The following MYO16 variants were observed in gnomAD, a reference collection of about 807,000 sequenced individuals.
MYO16 encodes the protein unconventional myosin-XVI.
Under a neutral mutation model 205.3 loss-of-function variants are expected in MYO16, and 94 were observed. The ratio of observed to expected loss-of-function variants is 0.46; its 90% CI spans 0.39 to 0.54. The LOEUF (loss-of-function observed/expected upper bound fraction) is 0.54, where lower values mean the gene tolerates loss of function less well. Ranked by LOEUF, MYO16 falls within the 20% of genes least tolerant of loss-of-function variation. The pLI is 0.00. For synonymous variants in MYO16, 988 were observed against 954.0 expected (o/e 1.04, Z -0.66); for missense variants, 2,315 against 2,387.5 (o/e 0.97, Z 0.63).
At chr13:108,653,623 A>G (rs981568627) in intron 1 of MYO16, among the ~76,000 whole-genome samples, 5 of 151,394 alleles carry the variant, frequency 3.3e-5, no homozygotes, top group African/African-American at 1.2e-4. Context: ...TTTTATTATT[A>G]TTTTTCAGTT....
At chr13:109,059,872 C>A (rs1267175849) in intron 27 of MYO16, among the ~76,000 whole-genome samples, 1 of 152,130 alleles carries the variant, frequency 6.6e-6, no homozygotes, top group Non-Finnish European at 1.5e-5. Flanking sequence ...AGGTTTTCTT[C>A]TAGGGTTTTT....
chr13:108,766,306 G>A (rs770572599), intron 4 of MYO16, among the ~76,000 whole-genome samples: 1 of 152,174 alleles, frequency 6.6e-6, no homozygotes, highest in African/African-American at 2.4e-5. Context: ...GATAGAGATA[G>A]CCTGTCCTGA....
the MYO16 span, among the ~76,000 whole-genome samples, chr13:108,496,999 T>C: frequency 6.6e-6 from 1 of 152,212 alleles, no homozygotes; most frequent in Non-Finnish European, 1.5e-5. Flanking sequence ...GGAGTCTGTG[T>C]TGGGATGAAG....
chr13:108,734,701 A>C (rs938062592), intron 4 of MYO16, among the ~76,000 whole-genome samples: 3 of 152,238 alleles, frequency 2.0e-5, no homozygotes, highest in Non-Finnish European at 4.4e-5. Context: ...GCCGCCACCC[A>C]CTGCTTGGCA....
chr13:108,627,325 G>A (rs566269178), upstream of MYO16, among the ~76,000 whole-genome samples: 4 of 152,250 alleles, frequency 2.6e-5, no homozygotes, highest in Admixed American at 2.0e-4. Flanking sequence ...TACATAGAAA[G>A]CACATTCTAA....
chr13:108,843,651 A>AT (rs1877364168), intron 9 of MYO16, among the ~76,000 whole-genome samples: 1 of 152,182 alleles, frequency 6.6e-6, no homozygotes, highest in South Asian at 2.1e-4. Flanking sequence ...TAGGAGGCAC[A>AT]TTTTTAAATC....
intron 16 of MYO16, among the ~76,000 whole-genome samples, chr13:108,935,146 A>G (rs1882423999): frequency 6.6e-6 from 1 of 152,034 alleles, no homozygotes; most frequent in Admixed American, 6.6e-5. Flanking sequence ...GTTTTTTCCA[A>G]TTCTGTAAAA....
chr13:108,590,226 A>G, the MYO16 span, among the ~76,000 whole-genome samples: 9 of 152,354 alleles, frequency 5.9e-5, no homozygotes, highest in Admixed American at 2.0e-4. Context: ...GAAGTACTAC[A>G]CATATTCACA....
At chr13:108,921,901 G>A (rs1881760943) in intron 16 of MYO16, among the ~76,000 whole-genome samples, 1 of 152,234 alleles carries the variant, frequency 6.6e-6, no homozygotes, top group African/African-American at 2.4e-5. Context: ...GACGGAGTGA[G>A]TGCAGTGGAA....
At chr13:109,042,706 A>G (rs1481348524) in intron 23 of MYO16, among the ~76,000 whole-genome samples, 1 of 152,234 alleles carries the variant, frequency 6.6e-6, no homozygotes, top group African/African-American at 2.4e-5. Context: ...AATAGGGTCA[A>G]AGGCTTTTAA....
At chr13:108,982,400 C>A (rs1047212921) in intron 20 of MYO16, among the ~76,000 whole-genome samples, 1 of 151,718 alleles carries the variant, frequency 6.6e-6, no homozygotes, top group Middle Eastern at 3.2e-3. Context: ...TTTTAAAAAA[C>A]CCAAATAAAA....
chr13:109,013,108 TCCCCCACCCC>T (rs1885667555), intron 22 of MYO16, among the ~76,000 whole-genome samples: 4 of 32,606 alleles, frequency 1.2e-4, no homozygotes, highest in Non-Finnish European at 2.4e-4. Context: ...ATGCTACCCC[TCCCCCACCCC>T]CCCCCACCCC....
chr13:109,175,165 TCCAGGGA>T (rs1879111807), intron 33 of MYO16, among the ~76,000 whole-genome samples: 1 of 151,900 alleles, frequency 6.6e-6, no homozygotes, highest in Non-Finnish European at 1.5e-5. Flanking sequence ...CACACAGAAC[TCCAGGGA>T]CCAGGTCTAC....
At chr13:109,008,103 T>C (rs1171459769) in intron 21 of MYO16, among the ~76,000 whole-genome samples, 1 of 152,240 alleles carries the variant, frequency 6.6e-6, no homozygotes, top group African/African-American at 2.4e-5. Context: ...TTAGATGATA[T>C]GGTATCAGAT....
At chr13:108,700,508 C>T (rs977024155) in intron 2 of MYO16, among the ~76,000 whole-genome samples, 18 of 152,136 alleles carry the variant, frequency 1.2e-4, no homozygotes, top group African/African-American at 3.6e-4. Context: ...TTGGCAGCCA[C>T]GAAAACCAGC....
chr13:108,593,861 C>A (rs906045510), upstream of MYO16, among the ~76,000 whole-genome samples: 1 of 152,234 alleles, frequency 6.6e-6, no homozygotes, highest in African/African-American at 2.4e-5. Flanking sequence ...TAATACCTCA[C>A]CTGCTGTCCT....
At chr13:108,975,330 A>G (rs1170858595) in intron 20 of MYO16, among the ~76,000 whole-genome samples, 3 of 152,014 alleles carry the variant, frequency 2.0e-5, no homozygotes, top group Non-Finnish European at 4.4e-5. Flanking sequence ...GCTTGTGATT[A>G]TTTTATTCTC....
intron 34 of MYO16, among the ~76,000 whole-genome samples, chr13:109,198,898 C>T (rs905970952): frequency 3.3e-5 from 5 of 152,168 alleles, no homozygotes; most frequent in Non-Finnish European, 5.9e-5. Context: ...CCAGGCATTC[C>T]GGCTCCAGAG....
In MYO16 at chr13:109,140,824, G is replaced by A. The variant is rs1275371042; in HGVS notation, c.4612G>A (p.Val1538Met). The A allele has an allele frequency of 4.4e-6, 7 of 1,593,682 alleles. No homozygotes were observed. The East Asian group carries it at 1.2e-4, about 27-fold the overall frequency. The change falls in exon 32 of 35, where the codon GTG (valine) becomes ATG (methionine). Residue 1538 changes from valine to methionine, a missense_variant. By Grantham distance (21) the Val-to-Met change is conservative (BLOSUM62 1). Coordinates refer to ENST00000457511, the MANE Select transcript of MYO16 (RefSeq NM_001198950.3). The surrounding 1 kb of genome is among the most constrained non-coding windows in gnomAD (Gnocchi z 8.0). Reference sequence around the variant, plus strand: ...CGAGTCGCCCCTGACACCCCTGGAGGTGAAGAAGCTGCCAGTCCTGGAGAC... The same window carrying A: ...CGAGTCGCCCCTGACACCCCTGGAGATGAAGAAGCTGCCAGTCCTGGAGAC... ...SDESPLTPLE[V>M]KKLPVLETNL... is the part of the protein sequence containing the mutation.
Sources: gnomAD v4.1 joint callset for allele counts (sites outside exome capture counted in the v4.1 genomes callset) on GRCh38, gnomAD v4.1.1 for gene constraint, Gnocchi (gnomAD v3.1) non-coding constraint, MANE v1.5 for transcripts, NCBI Gene and HGNC (gene_info 2026-07-23, HGNC 2026-07-21) for gene names.